Variants in ALS2 observed in about 807,000 individuals in gnomAD.
ALS2 encodes the protein alsin.
In ALS2, 117 loss-of-function variants were observed where a neutral mutation model predicts 203.4. The ratio of observed to expected loss-of-function variants is 0.58; its 90% CI spans 0.50 to 0.67. ALS2 has a LOEUF of 0.67. Among genes scored for constraint, ALS2 ranks in the 30% least tolerant of loss-of-function variants. ALS2 has a pLI of 0.00. For missense variants in ALS2, 1,715 were observed against 1,989.4 expected, an observed-to-expected ratio of 0.86 and a Z score of 2.62; for synonymous variants, 718 against 725.9, an observed-to-expected ratio of 0.99 and a Z score of 0.17.
chr2:201,779,759 C>T (rs2106122869), intron 1 of ALS2, among the ~76,000 whole-genome samples: 1 of 152,258 alleles, frequency 6.6e-6, no homozygotes, highest in South Asian at 2.1e-4. Context: ...TGCCCAAAAT[C>T]AAAGATGTAA....
At position 201,724,494 on chromosome 2, in the gene ALS2, A is replaced by G. The variant is rs375361296; in HGVS notation, c.3348-35T>C. On this transcript the variant is annotated intron_variant, in intron 20 of 33. Coordinates refer to ENST00000264276, the MANE Select transcript of ALS2 (RefSeq NM_020919.4). ...GAAAGAATGGATAATTATCACATGC[A>G]CATTGAATTCTGATGCTCATTTTTA... 117 of 1,608,322 alleles carry G rather than the reference A, an allele frequency of 7.3e-5. No homozygotes were observed. In the African/African-American group the frequency reaches 1.3e-3, roughly 17 times the overall value.
intron 29 of ALS2, 26 bp downstream of exon 29, chr2:201,706,820 G>C (rs1559030561): frequency 4.3e-6 from 7 of 1,613,188 alleles, no homozygotes; most frequent in Non-Finnish European, 5.9e-6. Flanking sequence ...AAACCATTTG[G>C]TTGCGCTTGT....
chr2:201,709,841 T>C, intron 27 of ALS2, 40 bp downstream of exon 27: 1 of 1,612,672 alleles, frequency 6.2e-7, no homozygotes, highest in South Asian at 1.1e-5. Context: ...TATAAAATAG[T>C]ATTCCATAGC....
intron 8 of ALS2, among the ~76,000 whole-genome samples, chr2:201,749,100 C>G (rs576815221): frequency 6.6e-6 from 1 of 152,048 alleles, no homozygotes; most frequent in Non-Finnish European, 1.5e-5. Flanking sequence ...GGTATTTCCT[C>G]AGGGTGATGA....
At chr2:201,760,847 GAC>G (rs752177320) in intron 4 of ALS2, 32 bp downstream of exon 4, 2 of 1,597,446 alleles carry the variant, frequency 1.3e-6, no homozygotes, top group South Asian at 1.1e-5. Context: ...TTCAACTCTA[GAC>G]ACACTTTTAT....
intron 3 of ALS2, 124 bp downstream of exon 3, chr2:201,767,105 T>TAA: frequency 1.9e-6 from 2 of 1,049,788 alleles, no homozygotes; most frequent in Non-Finnish European, 2.7e-6. Flanking sequence ...TAATAAAATT[T>TAA]AAAAAAAAAA....
rs1469372610 is a variant in ALS2, at chr2:201,768,860, T to C, written c.20+6A>G. The C allele has an allele frequency of 6.2e-7, 1 of 1,613,170 alleles. No homozygotes were observed. The highest frequency in any genetic ancestry group is 8.5e-7 in the Non-Finnish European group (1 of 1,179,274). ...AGGATAAGAGAAAAGGAAGAAATGA[T>C]TTTACCTTCTCTTCTTTGAGTCCAT... is the stretch of plus-strand genomic sequence containing the variant. On this transcript the variant is annotated splice_donor_region_variant and intron_variant, in intron 2 of 33. Coordinates refer to ENST00000264276, the MANE Select transcript of ALS2 (RefSeq NM_020919.4).
At chr2:201,741,651 A>G (rs1052566479) in intron 11 of ALS2, 23 bp downstream of exon 11, 4 of 1,611,616 alleles carry the variant, frequency 2.5e-6, no homozygotes, top group Non-Finnish European at 3.4e-6. Flanking sequence ...GAGATTGAAC[A>G]TGACACGGGA....
At chr2:201,738,993 C>A (rs1363036560) in intron 11 of ALS2, among the ~76,000 whole-genome samples, 2 of 151,898 alleles carry the variant, frequency 1.3e-5, no homozygotes, top group African/African-American at 4.8e-5. Context: ...AATCCCAGCA[C>A]TTTGGGAGGC....
chr2:201,705,261 T>C, intron 30 of ALS2, 61 bp from the exon 31 acceptor site: 1 of 1,543,268 alleles, frequency 6.5e-7, no homozygotes, highest in Non-Finnish European at 9.0e-7. Flanking sequence ...CAGAAATAAA[T>C]GATACTGATG....
At chr2:201,772,654 C>A (rs1398405408) in intron 1 of ALS2, among the ~76,000 whole-genome samples, 2 of 152,072 alleles carry the variant, frequency 1.3e-5, no homozygotes, top group East Asian at 3.9e-4. Flanking sequence ...ATGCACCTTG[C>A]CCCAAGGGTT....
chr2:201,771,275 G>A (rs1694371229), intron 1 of ALS2, among the ~76,000 whole-genome samples: 1 of 152,016 alleles, frequency 6.6e-6, no homozygotes, highest in African/African-American at 2.4e-5. Context: ...TCGAACTCCT[G>A]ACCTCAGGTG....
chr2:201,744,282 T>C lies in ALS2; in HGVS notation c.2146A>G (p.Ile716Val). Residue 716 changes from isoleucine to valine, a missense_variant, in exon 10 of 34, where the codon ATT (isoleucine) becomes GTT (valine). Physicochemically the swap from Ile to Val is conservative, Grantham distance 29 (BLOSUM62 3). Transcript: ENST00000264276. The part of the protein sequence containing the change: ...YSKLSDIKSQ[I>V]LRPLLSLENL... ...CCTAAACTGAGAAGAGGCCTGAGAA[T>C]CTGAGATTTGATATCACTTAGTTTT... 6 of 1,614,048 alleles carry C rather than the reference T, an allele frequency of 3.7e-6. No homozygotes were observed. The highest frequency in any genetic ancestry group is 5.1e-6 in the Non-Finnish European group (6 of 1,179,986).
chr2:201,753,739 G>A (rs1298134896), intron 6 of ALS2, among the ~76,000 whole-genome samples: 4 of 152,130 alleles, frequency 2.6e-5, no homozygotes, highest in African/African-American at 9.7e-5. Context: ...AATAGACATA[G>A]TCTGATGTTT....
chr2:201,776,498 ATT>A (rs1171949387), intron 1 of ALS2, among the ~76,000 whole-genome samples: 1 of 152,204 alleles, frequency 6.6e-6, no homozygotes, highest in Non-Finnish European at 1.5e-5. Context: ...CCCATGATGC[ATT>A]GTGATGAATA....
rs1156823318 is a variant in ALS2 at position 201,700,339 on chromosome 2, C to G, written c.*1512G>C. 1.3e-5 allele frequency among the ~76,000 whole-genome samples: 2 copies of G among 152,090 alleles called. No homozygotes were observed. The highest frequency in any genetic ancestry group is 2.4e-5 in the African/African-American group (1 of 41,398). ...ACCCGTGTCCTTGGGTTATTGGGGTCAGAAAGTTAATTTGCTCTTTGCTAG... is the reference window on the plus strand; with the variant it reads ...ACCCGTGTCCTTGGGTTATTGGGGTGAGAAAGTTAATTTGCTCTTTGCTAG... On this transcript the variant is annotated 3_prime_UTR_variant, in exon 34 of 34. Coordinates refer to ENST00000264276, the MANE Select transcript of ALS2 (RefSeq NM_020919.4).
chr2:201,770,927 G>A (rs1314350355), intron 1 of ALS2, among the ~76,000 whole-genome samples: 1 of 152,042 alleles, frequency 6.6e-6, no homozygotes, highest in Non-Finnish European at 1.5e-5. Context: ...AGAACTTGAA[G>A]ATAATATATT....
rs77297754 is a variant in ALS2, at chr2:201,756,467, C to T, written c.1471+935G>A. On this transcript the variant is annotated intron_variant, in intron 5 of 33. Transcript: ENST00000264276. The stretch of plus-strand genomic sequence containing the variant: ...TAAAAAAGGTAAGTTTTAGTACAGT[C>T]TAGAATTCCTAACTTTTGAGCTTTG... Among the ~76,000 whole-genome samples, 357 of 152,230 alleles carry T rather than the reference C, an allele frequency of 2.3e-3. 3 individuals are homozygous for T. The highest frequency in any genetic ancestry group is 7.8e-3 in the African/African-American group (326 of 41,562).
rs1327435780 is a variant in ALS2, at chr2:201,726,561, A to G, written c.3183-12T>C. On this transcript the variant is annotated splice_polypyrimidine_tract_variant and intron_variant, in intron 18 of 33. Coordinates refer to ENST00000264276, the MANE Select transcript of ALS2 (RefSeq NM_020919.4). ...ACTTCAAAACCCCTCTGGAATGCAT[A>G]AGCAAAGAATAATGCATGTCAACTA... 6.2e-7 allele frequency: 1 copy of G among 1,612,550 alleles called. No homozygotes were observed. The highest frequency in any genetic ancestry group is 1.1e-5 in the South Asian group (1 of 91,032).
Sources: gnomAD v4.1 joint callset for allele counts (sites outside exome capture counted in the v4.1 genomes callset) on GRCh38, gnomAD v4.1.1 for gene constraint, MANE v1.5 for transcripts, NCBI Gene and HGNC (gene_info 2026-07-23, HGNC 2026-07-21) for gene names.